MTMR2: variants seen among roughly 807,000 people sequenced by gnomAD.
MTMR2 encodes myotubularin related protein 2, also known as phosphatidylinositol-3,5-bisphosphate 3-phosphatase MTMR2.
MTMR2 carries 55 observed loss-of-function variants against 86.9 expected under a neutral mutation model. The observed-to-expected ratio is 0.63, with a 90% CI of 0.51 to 0.79. The LOEUF is 0.79. Ranked by LOEUF, MTMR2 falls within the 30% of genes least tolerant of loss-of-function variation. The pLI is 0.00. For synonymous variants in MTMR2, 241 were observed against 266.8 expected (o/e 0.90, Z 0.94); for missense variants, 659 against 772.3 (o/e 0.85, Z 1.74).
intron 2 of MTMR2, among the ~76,000 whole-genome samples, chr11:95,877,331 CCTTTTT>C (rs1436976780): frequency 2.6e-4 from 25 of 94,738 alleles, no homozygotes; most frequent in African/African-American, 1.1e-3. Context: ...ACAGGGAAGC[CCTTTTT>C]TTTTTTTTTT....
Position 95,844,868 on chromosome 11 carries a change from A to C in MTMR2, c.1386+85T>G, listed in dbSNP as rs1041183729. ...TAGATAAATGATCAATTTCAGATGA[A>C]TATCTTATTTTAAAAAACACATTTT... On this transcript the variant is annotated intron_variant, in intron 11 of 14. Coordinates refer to ENST00000346299, the MANE Select transcript of MTMR2 (RefSeq NM_016156.6). The C allele has an allele frequency of 5.7e-5, 68 of 1,202,418 alleles. No homozygotes were observed. The Admixed American group carries it at 8.1e-4, about 14-fold the overall frequency. 74.5% of individuals were successfully genotyped at this position (1,202,418 alleles called of 1,614,324 possible).
chr11:95,904,971 GTCATCAATAATCTCCACT>G (rs2135590041), intron 1 of MTMR2, among the ~76,000 whole-genome samples: 1 of 152,188 alleles, frequency 6.6e-6, no homozygotes, highest in African/African-American at 2.4e-5. Context: ...TTTTGTCAAG[GTCATCAATAATCTCCACT>G]TTGCTAAACC....
intron 1 of MTMR2, among the ~76,000 whole-genome samples, chr11:95,905,365 AC>A (rs1191122999): frequency 5.7e-5 from 8 of 139,584 alleles, no homozygotes; most frequent in Admixed American, 2.9e-4. Flanking sequence ...ACACACACAC[AC>A]ACAACACAAC....
intron 9 of MTMR2, among the ~76,000 whole-genome samples, chr11:95,848,529 A>C (rs16922645): frequency 0.066 from 10,017 of 152,302 alleles, 420 homozygotes; most frequent in Middle Eastern, 0.13. Context: ...GGTGTTCAAA[A>C]TAAGCTATGG....
chr11:95,916,398 C>T (rs994271838), intron 1 of MTMR2, among the ~76,000 whole-genome samples: 3 of 151,848 alleles, frequency 2.0e-5, no homozygotes, highest in African/African-American at 7.3e-5. Context: ...AAAAAAGTAT[C>T]CTTCAAAGAG....
At chr11:95,868,273 T>TACAAACAACAAAAAAA (rs1864695177) in intron 2 of MTMR2, among the ~76,000 whole-genome samples, 1 of 42,214 alleles carries the variant, frequency 2.4e-5, no homozygotes, top group Non-Finnish European at 4.0e-5. Flanking sequence ...GACCCTGTGC[T>TACAAACAACAAAAAAA]AAAAAAAAAA....
Position 95,834,946 on chromosome 11 carries a change from T to C in MTMR2, c.*344A>G. 1 of 330,268 alleles carries C rather than the reference T, an allele frequency of 3.0e-6. No individual in the cohort carries two copies. Among genetic ancestry groups the C allele is most frequent in the Non-Finnish European group, 5.9e-6 (1 of 170,008 alleles). The allele number at this position is 330,268 out of a possible 1,614,324, so 20.5% of individuals were successfully genotyped here. ...GTTCCTCTGCACAGTGAGCACAGAG[T>C]GTATTTCTAAAATGGTTTTAATATT... On this transcript the variant is annotated 3_prime_UTR_variant, in exon 15 of 15. Coordinates refer to ENST00000346299, the MANE Select transcript of MTMR2 (RefSeq NM_016156.6).
chr11:95,876,385 A>T (rs1256070965), intron 2 of MTMR2, among the ~76,000 whole-genome samples: 1 of 152,190 alleles, frequency 6.6e-6, no homozygotes, highest in African/African-American at 2.4e-5. Flanking sequence ...ACCCTCAGAT[A>T]TGAGGGAAGA....
Position 95,834,571 on chromosome 11 carries a change from C to A in MTMR2, c.*719G>T, listed in dbSNP as rs1180839194. On this transcript the variant is annotated 3_prime_UTR_variant, in exon 15 of 15. Coordinates refer to ENST00000346299, the MANE Select transcript of MTMR2 (RefSeq NM_016156.6). ...TGATGTTTCTGGTAATTGGGCTAAT[C>A]TGAAGGGCATGGAATTCTTTGAACT... The A allele has an allele frequency of 6.6e-6, 1 of 152,118 alleles. No individual in the cohort carries two copies. The highest frequency in any genetic ancestry group is 2.4e-5 in the African/African-American group (1 of 41,420). 9.4% of individuals were successfully genotyped at this position (152,118 alleles called of 1,614,324 possible). A position where few individuals can be genotyped will look rare whatever the true frequency, so the allele number is the denominator to read the frequency against.
At chr11:95,860,879 C>T (rs112247049) in intron 5 of MTMR2, among the ~76,000 whole-genome samples, 5,318 of 152,086 alleles carry the variant, frequency 0.035, 143 homozygotes, top group South Asian at 0.091. Flanking sequence ...AAAAACTGGC[C>T]GGGCACGGTG....
intron 1 of MTMR2, among the ~76,000 whole-genome samples, chr11:95,903,767 A>G (rs1442140042): frequency 2.0e-5 from 3 of 152,164 alleles, no homozygotes; most frequent in African/African-American, 7.2e-5. Context: ...CTGTGCACAT[A>G]TATTCTGCCT....
At chr11:95,894,186 C>T (rs545434615) in intron 1 of MTMR2, among the ~76,000 whole-genome samples, 66 of 152,282 alleles carry the variant, frequency 4.3e-4, no homozygotes, top group African/African-American at 1.5e-3. Flanking sequence ...TCCATGCCCT[C>T]TTTGTCCCAT....
intron 1 of MTMR2, among the ~76,000 whole-genome samples, chr11:95,910,132 C>G (rs1480344640): frequency 6.6e-6 from 1 of 151,118 alleles, no homozygotes; most frequent in African/African-American, 2.4e-5. Flanking sequence ...TGCACGCACA[C>G]ACACACACAC....
chr11:95,917,459 G>C (rs958654329), intron 1 of MTMR2, among the ~76,000 whole-genome samples: 2 of 152,074 alleles, frequency 1.3e-5, no homozygotes, highest in Non-Finnish European at 2.9e-5. Context: ...TGGCCTCCTG[G>C]AATTACTTGT....
Position 95,881,123 on chromosome 11 carries a change from T to C in MTMR2, c.186+7033A>G, listed in dbSNP as rs569581388. ...CAGTTGGTGTGTGTGAGTTAGAAATTCAACCTTTTTTTTTTTAAACATGGC... is the reference window on the plus strand; with the variant it reads ...CAGTTGGTGTGTGTGAGTTAGAAATCCAACCTTTTTTTTTTTAAACATGGC... On this transcript the variant is annotated intron_variant, in intron 2 of 14. Coordinates refer to ENST00000346299, the MANE Select transcript of MTMR2 (RefSeq NM_016156.6). 8.6e-5 allele frequency among the ~76,000 whole-genome samples: 13 copies of C among 151,716 alleles called. No homozygotes were observed. The East Asian group carries it at 1.7e-3, about 20-fold the overall frequency.
Position 95,858,581 on chromosome 11 carries a change from A to G in MTMR2, c.520T>C (p.Ser174Pro), listed in dbSNP as rs1864295642. 1 of 1,613,110 alleles carries G rather than the reference A, an allele frequency of 6.2e-7. No individual in the cohort carries two copies. Among genetic ancestry groups the G allele is most frequent in the Non-Finnish European group, 8.5e-7 (1 of 1,179,244 alleles). ...TATTTCATTAGATTCTCAAATATGG[A>G]TCTTCTTGTCCGCCCCTCAGGTTTA... Reference protein sequence around the residue: ...AHKPEGRTRRSIFENLMKYAF... With the variant: ...AHKPEGRTRRPIFENLMKYAF... The change falls in exon 6 of 15, where the codon TCC (serine) becomes CCC (proline). Residue 174 changes from serine (S) to proline (P), a missense_variant. Ser to Pro is a moderately conservative substitution (Grantham distance 74, BLOSUM62 -1). This residue lies in a region of MTMR2 where 387 missense variants were observed against 526.3 expected (regional missense o/e 0.74). Coordinates refer to ENST00000346299, the MANE Select transcript of MTMR2 (RefSeq NM_016156.6).
intron 1 of MTMR2, among the ~76,000 whole-genome samples, chr11:95,904,771 C>T (rs192793760): frequency 1.3e-3 from 193 of 152,302 alleles, no homozygotes; most frequent in Non-Finnish European, 2.3e-3. Flanking sequence ...ACTTAATAAA[C>T]TTGCTTTCAC....
intron 1 of MTMR2, among the ~76,000 whole-genome samples, chr11:95,920,517 T>C (rs560860525): frequency 2.5e-3 from 376 of 147,530 alleles, no homozygotes; most frequent in Non-Finnish European, 4.6e-3. Context: ...CAGGATGACA[T>C]AACTATAGCT....
At chr11:95,860,369 CA>C (rs1565357985) in intron 5 of MTMR2, among the ~76,000 whole-genome samples, 1 of 152,098 alleles carries the variant, frequency 6.6e-6, no homozygotes, top group East Asian at 1.9e-4. Flanking sequence ...GGCATGGTGG[CA>C]TATGCCTGTA....
Sources: gnomAD v4.1 joint callset for allele counts (sites outside exome capture counted in the v4.1 genomes callset) on GRCh38, gnomAD v4.1.1 for gene constraint, gnomAD v4.1.1 regional missense constraint, MANE v1.5 for transcripts, NCBI Gene and HGNC (gene_info 2026-07-23, HGNC 2026-07-21) for gene names.